DNAH8: variants seen among roughly 807,000 people sequenced by gnomAD.
DNAH8 encodes the protein dynein axonemal heavy chain 8.
A neutral mutation model predicts 562.1 loss-of-function variants in DNAH8; 382 were observed. The observed-to-expected ratio is 0.68, with a 90% CI of 0.63 to 0.74. The LOEUF is 0.74. Among genes scored for constraint, DNAH8 ranks in the 30% least tolerant of loss-of-function variants. The pLI is 0.00. For synonymous variants in DNAH8, 1,881 were observed against 1,919.4 expected, an observed-to-expected ratio of 0.98 and a Z score of 0.52; for missense variants, 5,203 against 5,620.4, an observed-to-expected ratio of 0.93 and a Z score of 2.37.
chr6:38,790,501 T>C (rs1172889480), intron 20 of DNAH8, 96 bp downstream of exon 20: 2 of 613,294 alleles, frequency 3.3e-6, no homozygotes, highest in African/African-American at 1.9e-5. Context: ...GTATGACTTT[T>C]AACTAAAAGG....
At position 38,779,996 on chromosome 6, in the gene DNAH8, A is replaced by T; in HGVS notation, c.2070A>T (p.Gly690=). 1 of 1,614,050 alleles carries T rather than the reference A, an allele frequency of 6.2e-7. No individual in the cohort carries two copies. The highest frequency in any genetic ancestry group is 8.5e-7 in the Non-Finnish European group (1 of 1,179,982). Residue 690 remains glycine (G), a synonymous_variant, in exon 15 of 93, where the codon GGA becomes GGT. Coordinates refer to ENST00000327475, the MANE Select transcript of DNAH8 (RefSeq NM_001206927.2). ...RFQKLNIPCL[G]LEINHTIERI... ...AGAAGCTGAACATTCCCTGTCTGGG[A>T]TTAGAAATAAACCACACAATAGAGC... is the stretch of plus-strand genomic sequence containing the variant.
At chr6:38,853,376 T>C (rs751393362) in intron 41 of DNAH8, 29 bp downstream of exon 41, 1 of 1,599,078 alleles carries the variant, frequency 6.3e-7, no homozygotes, top group East Asian at 2.3e-5. Context: ...TAAGTAATGG[T>C]GAAAAGAAAT....
At chr6:38,807,279 A>G (rs182194615) in intron 23 of DNAH8, among the ~76,000 whole-genome samples, 1 of 152,326 alleles carries the variant, frequency 6.6e-6, no homozygotes, top group Admixed American at 6.5e-5. Flanking sequence ...AATGTACCAC[A>G]TTTAAAGTGC....
In DNAH8 at chr6:38,751,746, T is replaced by TA. The variant is rs199780476; in HGVS notation, c.1407+1164dup. On this transcript the variant is annotated intron_variant, in intron 9 of 92. Coordinates refer to ENST00000327475, the MANE Select transcript of DNAH8 (RefSeq NM_001206927.2). Reference sequence around the variant, plus strand: ...AATATTTCATATAAAATATGAAAATTAAAAAAATCTCTATCCTTTATTTAA... The same window carrying TA: ...AATATTTCATATAAAATATGAAAATTAAAAAAAATCTCTATCCTTTATTTAA... Among the ~76,000 whole-genome samples, 501 of 151,736 alleles carry TA rather than the reference T, an allele frequency of 3.3e-3. 1 individual carries two copies. Among genetic ancestry groups the TA allele is most frequent in the African/African-American group, 0.012 (480 of 41,048 alleles).
At chr6:39,005,889 G>A (rs753784563) in intron 88 of DNAH8, among the ~76,000 whole-genome samples, 12 of 152,138 alleles carry the variant, frequency 7.9e-5, no homozygotes, top group South Asian at 4.1e-4. Context: ...GGTTTTCTAC[G>A]GTTTTACTGT....
chr6:38,780,171 T>C (rs1446336998), intron 15 of DNAH8, 106 bp downstream of exon 15: 24 of 1,099,334 alleles, frequency 2.2e-5, no homozygotes, highest in Non-Finnish European at 2.9e-5. Context: ...GAGTGATTCT[T>C]TCTCTGCTAA....
rs781592432 is a variant in DNAH8 at position 38,906,235 on chromosome 6, C to G, written c.9195-19C>G. On this transcript the variant is annotated intron_variant, in intron 62 of 92. Coordinates refer to ENST00000327475, the MANE Select transcript of DNAH8 (RefSeq NM_001206927.2). ...TATATATTTTTTAATCTAAAACTTT[C>G]TATCATTTTTCTTCTTAGGTCTTAC... 2 of 1,516,694 alleles carry G rather than the reference C, an allele frequency of 1.3e-6. No individual in the cohort carries two copies. Among genetic ancestry groups the G allele is most frequent in the South Asian group, 1.2e-5 (1 of 84,598 alleles). The allele number at this position is 1,516,694 out of a possible 1,614,324, so 94.0% of individuals were successfully genotyped here.
At chr6:38,895,860 G>A (rs188599167) in intron 59 of DNAH8, among the ~76,000 whole-genome samples, 173 bp from the exon 60 acceptor site, 1 of 152,322 alleles carries the variant, frequency 6.6e-6, no homozygotes, top group East Asian at 1.9e-4. Flanking sequence ...TGCTGTTAAT[G>A]TTATAACTTT....
In DNAH8 at chr6:38,738,175, C is replaced by A. The variant is rs75096343; in HGVS notation, c.1116+203C>A. ...TTGAAATCAATTTTAAGATATTTCTCACTTCAAGGAAGAAACCATAACAAT... is the reference window on the plus strand; with the variant it reads ...TTGAAATCAATTTTAAGATATTTCTAACTTCAAGGAAGAAACCATAACAAT... On this transcript the variant is annotated intron_variant, in intron 7 of 92. Coordinates refer to ENST00000327475, the MANE Select transcript of DNAH8 (RefSeq NM_001206927.2). Among the ~76,000 whole-genome samples, 340 of 152,246 alleles carry A rather than the reference C, an allele frequency of 2.2e-3. 2 individuals are homozygous for A. The highest frequency in any genetic ancestry group is 8.0e-3 in the African/African-American group (332 of 41,542).
chr6:38,739,736 C>T (rs1781723), intron 7 of DNAH8, among the ~76,000 whole-genome samples: 1 of 152,162 alleles, frequency 6.6e-6, no homozygotes, highest in South Asian at 2.1e-4. Context: ...AGCTTTTCTT[C>T]CCCCTAGTGG....
At chr6:38,856,662 C>T (rs958554659) in intron 41 of DNAH8, among the ~76,000 whole-genome samples, 7 of 152,128 alleles carry the variant, frequency 4.6e-5, no homozygotes, top group African/African-American at 1.7e-4. Context: ...CAGGATTGGC[C>T]ACTGCTCTAG....
At chr6:38,820,233 A>T (rs1399311165) in intron 26 of DNAH8, among the ~76,000 whole-genome samples, 2 of 152,184 alleles carry the variant, frequency 1.3e-5, no homozygotes. Flanking sequence ...CCAAAGATAG[A>T]TAACATACAG....
chr6:38,823,393 A>G (rs1347555759), intron 27 of DNAH8, among the ~76,000 whole-genome samples, 169 bp from the exon 28 acceptor site: 4 of 152,222 alleles, frequency 2.6e-5, no homozygotes, highest in African/African-American at 9.6e-5. Context: ...CATGCCCTGC[A>G]GACTGTGAAA....
chr6:39,012,236 AT>A lies in DNAH8; in HGVS notation c.13394del (p.Met4465ArgfsTer7). 6.2e-7 allele frequency: 1 copy of A among 1,609,330 alleles called. No individual in the cohort carries two copies. Among genetic ancestry groups the A allele is most frequent in the Admixed American group, 1.7e-5 (1 of 59,562 alleles). ...TTAGGTGAAATCTCGTTTGATAAAG[AT>A]GGGCCATCTTAATTCAATGAACATA... Reference protein sequence around the residue: ...PHEVKSRLIKMGHLNSMNIFL... With the variant: ...PHEVKSRLIKXGHLNSMNIFL... On this transcript the variant is annotated frameshift_variant, in exon 90 of 93. Coordinates refer to ENST00000327475, the MANE Select transcript of DNAH8 (RefSeq NM_001206927.2). LOFTEE classifies it high-confidence loss of function.
At chr6:38,873,555 T>C (rs1231657546) in intron 52 of DNAH8, among the ~76,000 whole-genome samples, 179 bp downstream of exon 52, 1 of 152,198 alleles carries the variant, frequency 6.6e-6, no homozygotes, top group Non-Finnish European at 1.5e-5. Context: ...ATCTTACTGT[T>C]TTCTCTATTA....
intron 91 of DNAH8, among the ~76,000 whole-genome samples, chr6:39,023,101 C>A (rs79628055): frequency 1.5e-4 from 23 of 152,074 alleles, no homozygotes; most frequent in Non-Finnish European, 1.0e-4. Context: ...AAGATTTTCC[C>A]CAACTTTTTG....
At chr6:38,857,836 C>T in intron 42 of DNAH8, 94 bp downstream of exon 42, 2 of 783,986 alleles carry the variant, frequency 2.6e-6, no homozygotes, top group Non-Finnish European at 4.1e-6. Context: ...TTTCCATTTA[C>T]TTGGTCCTTT....
Position 39,030,292 on chromosome 6 carries a change from G to A in DNAH8, c.14024G>A (p.Arg4675Gln), listed in dbSNP as rs771990678. 5.5e-5 allele frequency: 88 copies of A among 1,613,960 alleles called. No individual in the cohort carries two copies. In the Admixed American group the frequency reaches 9.3e-4, roughly 17 times the overall value. Residue 4675 changes from arginine to glutamine, a missense_variant, in exon 93 of 93, where the codon CGA becomes CAA. Physicochemically the swap from Arg to Gln is conservative, Grantham distance 43 (BLOSUM62 1). This residue lies in a region of DNAH8 where 1,399 missense variants were observed against 1,518.4 expected (regional missense o/e 0.92). Transcript: ENST00000327475. ...YVCPIYKKPR[R>Q]TDLTFITVVY... ...TGTCCTATTTACAAGAAACCCAGGC[G>A]AACTGATTTGACCTTCATCACTGTG...
intron 18 of DNAH8, among the ~76,000 whole-genome samples, chr6:38,789,038 G>C (rs1157747699): frequency 6.6e-6 from 1 of 152,112 alleles, no homozygotes; most frequent in Non-Finnish European, 1.5e-5. Flanking sequence ...TGGAGGATTA[G>C]GTTTAAATGT....
Sources: allele counts gnomAD v4.1 joint callset (sites outside exome capture counted in the v4.1 genomes callset), GRCh38; gene constraint gnomAD v4.1.1; regional missense constraint gnomAD v4.1.1; transcripts MANE v1.5; gene names NCBI Gene and HGNC (gene_info 2026-07-23, HGNC 2026-07-21).